Variants in ABHD2 observed in about 807,000 individuals in gnomAD.
The protein encoded by ABHD2 is abhydrolase domain containing 2, acylglycerol lipase, also known as monoacylglycerol lipase ABHD2.
Under a neutral mutation model 48.1 loss-of-function variants are expected in ABHD2, and 20 were observed. The observed-to-expected ratio is 0.42, with a 90% CI of 0.29 to 0.60. The LOEUF (loss-of-function observed/expected upper bound fraction) is 0.60. Ranked by LOEUF, ABHD2 falls within the 20% of genes least tolerant of loss-of-function variation. ABHD2 has a pLI of 0.24. For synonymous variants in ABHD2, 209 were observed against 214.2 expected, an observed-to-expected ratio of 0.98 and a Z score of 0.21; for missense variants, 405 against 550.9, an observed-to-expected ratio of 0.74 and a Z score of 2.65.
chr15:89,139,016 G>GTCAT (rs1326269900), intron 3 of ABHD2, among the ~76,000 whole-genome samples: 10 of 145,660 alleles, frequency 6.9e-5, no homozygotes, highest in African/African-American at 2.3e-4. Flanking sequence ...GGGAGATCAA[G>GTCAT]ACCAGCCCTG....
chr15:89,161,406 T>G (rs2050759583), intron 5 of ABHD2, among the ~76,000 whole-genome samples: 1 of 152,128 alleles, frequency 6.6e-6, no homozygotes, highest in Non-Finnish European at 1.5e-5. Flanking sequence ...TTTAATTAAT[T>G]TATTTATTTT....
intron 6 of ABHD2, among the ~76,000 whole-genome samples, chr15:89,181,157 C>T (rs1245664776): frequency 2.4e-5 from 3 of 122,798 alleles, no homozygotes; most frequent in South Asian, 2.8e-4. Context: ...ACCCAGAAGG[C>T]GGAGGTTGCA....
rs766170270 is a variant in ABHD2, at chr15:89,185,542, GGAGACAGACAGTTCCTTCCT to G, written c.815+30_815+49del. ...GTAGGTCACCTTCCGTTCTCTCTCA[GGAGACAGACAGTTCCTTCCT>G]GAGCTCATCTGGGAACCGTGAAAAG... On this transcript the variant is annotated intron_variant, in intron 7 of 10. Transcript: ENST00000352732. The surrounding 1 kb of genome is among the most constrained non-coding windows in gnomAD (Gnocchi z 5.9). The G allele has an allele frequency of 1.9e-6, 3 of 1,599,516 alleles. No individual in the cohort carries two copies.
At chr15:89,132,523 A>G (rs759331958) in intron 3 of ABHD2, among the ~76,000 whole-genome samples, 1 of 152,254 alleles carries the variant, frequency 6.6e-6, no homozygotes, top group Non-Finnish European at 1.5e-5. Context: ...TCAGATAGAT[A>G]TAGATGAAAA....
chr15:89,045,862 T>C, the ABHD2 span, among the ~76,000 whole-genome samples: 19 of 152,248 alleles, frequency 1.2e-4, no homozygotes, highest in Non-Finnish European at 2.8e-4. Context: ...TTTGACTTCC[T>C]CTTTTCCTAA....
chr15:89,079,451 ACTTCTACATGGCAAAATAAACCT>A, the ABHD2 span, among the ~76,000 whole-genome samples: 1 of 150,152 alleles, frequency 6.7e-6, no homozygotes, highest in Non-Finnish European at 1.5e-5. This position sits in a 1 kb window ranked among gnomAD's most constrained non-coding sequence, Gnocchi z 4.3. Context: ...AATAAAACAA[ACTTCTACATGGCAAAATAAACCT>A]CTACATGGCA....
At chr15:89,071,626 G>A in the ABHD2 span, among the ~76,000 whole-genome samples, 3 of 151,942 alleles carry the variant, frequency 2.0e-5, no homozygotes, top group Admixed American at 6.6e-5. Flanking sequence ...TCCCTTATAC[G>A]GCCCACATTC....
chr15:89,076,161 C>T, the ABHD2 span, among the ~76,000 whole-genome samples: 3 of 152,174 alleles, frequency 2.0e-5, no homozygotes, highest in African/African-American at 4.8e-5. Context: ...AGTTCCTTTG[C>T]GAACACACTG....
At chr15:89,178,356 G>C (rs1265227007) in intron 6 of ABHD2, among the ~76,000 whole-genome samples, 2 of 152,154 alleles carry the variant, frequency 1.3e-5, no homozygotes, top group African/African-American at 4.8e-5. Flanking sequence ...GCCAAGGCTT[G>C]AGGGCGATGA....
rs1223585572 is a variant in ABHD2, at chr15:89,177,663, G to T, written c.722+1668G>T. Among the ~76,000 whole-genome samples, 1 of 151,998 alleles carries T rather than the reference G, an allele frequency of 6.6e-6. No homozygotes were observed. Among genetic ancestry groups the T allele is most frequent in the Non-Finnish European group, 1.5e-5 (1 of 68,004 alleles). ...AGGAATCTTTTCCTTCACTCCTCTGGACACTGGGGAGTCAGCTGAGAGGAC... is the reference window on the plus strand; with the variant it reads ...AGGAATCTTTTCCTTCACTCCTCTGTACACTGGGGAGTCAGCTGAGAGGAC... On this transcript the variant is annotated intron_variant, in intron 6 of 10. Transcript: ENST00000352732. This position sits in a 1 kb window ranked among gnomAD's most constrained non-coding sequence, Gnocchi z 5.6.
intron 3 of ABHD2, among the ~76,000 whole-genome samples, chr15:89,148,145 C>T (rs75646382): frequency 0.024 from 3,045 of 129,416 alleles, 59 homozygotes; most frequent in Non-Finnish European, 0.033. Flanking sequence ...AAAAAAACTA[C>T]ATAAAATAAA....
chr15:89,058,049 G>A, the ABHD2 span, among the ~76,000 whole-genome samples: 1 of 152,308 alleles, frequency 6.6e-6, no homozygotes, highest in Admixed American at 6.5e-5. Context: ...CTCTATGTCT[G>A]CATATTTTCA....
intron 3 of ABHD2, among the ~76,000 whole-genome samples, chr15:89,150,264 G>A (rs1386250412): frequency 6.6e-6 from 1 of 152,084 alleles, no homozygotes; most frequent in Non-Finnish European, 1.5e-5. Context: ...TTCTTGGATA[G>A]TCCTCTTCCT....
At chr15:89,181,521 C>T (rs991983721) in intron 6 of ABHD2, among the ~76,000 whole-genome samples, 26 of 151,932 alleles carry the variant, frequency 1.7e-4, no homozygotes, top group African/African-American at 6.0e-4. Flanking sequence ...CCTTTTTTCC[C>T]TTTTTGGGGT....
chr15:89,135,154 T>TTTTTC (rs2050285560), intron 3 of ABHD2, among the ~76,000 whole-genome samples: 3 of 149,502 alleles, frequency 2.0e-5, no homozygotes, highest in African/African-American at 7.3e-5. Flanking sequence ...TTTTTTTTTT[T>TTTTTC]TTTTTTTGCA....
At chr15:89,054,070 C>A in the ABHD2 span, among the ~76,000 whole-genome samples, 25,683 of 152,112 alleles carry the variant, frequency 0.17, 2,322 homozygotes, top group Middle Eastern at 0.19. Context: ...TCCTGTAATC[C>A]CAGCACTTTG....
Position 89,151,845 on chromosome 15 carries a change from T to C in ABHD2, c.363T>C (p.Cys121=). The change falls in exon 4 of 11, where the codon TGT becomes TGC. Residue 121 remains cysteine (C), a synonymous_variant. Coordinates refer to ENST00000352732, the MANE Select transcript of ABHD2 (RefSeq NM_152924.5). This position sits in a 1 kb window ranked among gnomAD's most constrained non-coding sequence, Gnocchi z 4.7. The part of the protein sequence containing the change: ...FDLFEPLAEH[C]VGDDITMVIC... ...TCTTCGAGCCCTTGGCTGAGCACTGTGTTGGAGGTGAGCTGCTTTAGATTG... is the reference window on the plus strand; with the variant it reads ...TCTTCGAGCCCTTGGCTGAGCACTGCGTTGGAGGTGAGCTGCTTTAGATTG... 1.2e-6 allele frequency: 2 copies of C among 1,613,956 alleles called. No individual in the cohort carries two copies. The highest frequency in any genetic ancestry group is 1.7e-6 in the Non-Finnish European group (2 of 1,179,922).
At chr15:89,192,962 T>C (rs2051331819) in intron 9 of ABHD2, among the ~76,000 whole-genome samples, 1 of 152,244 alleles carries the variant, frequency 6.6e-6, no homozygotes, top group Admixed American at 6.5e-5. Context: ...AGTCATTTCC[T>C]AAAAGGAGTG....
intron 1 of ABHD2, among the ~76,000 whole-genome samples, chr15:89,089,971 T>C (rs1901528841): frequency 6.6e-6 from 1 of 152,094 alleles, no homozygotes; most frequent in South Asian, 2.1e-4. Flanking sequence ...TCTCATTCAG[T>C]CTCCTCAATG....
Sources: allele counts gnomAD v4.1 joint callset (sites outside exome capture counted in the v4.1 genomes callset), GRCh38; gene constraint gnomAD v4.1.1; non-coding constraint Gnocchi (gnomAD v3.1); transcripts MANE v1.5; gene names NCBI Gene and HGNC (gene_info 2026-07-23, HGNC 2026-07-21).